CD44: variants seen among roughly 807,000 people sequenced by gnomAD.
The protein encoded by CD44 is CD44 molecule (IN blood group).
In CD44, 49 loss-of-function variants were observed where a neutral mutation model predicts 88.8. The observed-to-expected ratio is 0.55, with a 90% CI of 0.44 to 0.70. The LOEUF (loss-of-function observed/expected upper bound fraction) is 0.70, where lower values mean the gene tolerates loss of function less well. CD44 is among the 30% of genes least tolerant of loss of function. CD44 has a pLI of 0.00. For synonymous variants in CD44, 325 were observed against 312.3 expected (o/e 1.04, Z -0.43); for missense variants, 883 against 913.8 (o/e 0.97, Z 0.43).
At chr11:35,202,806 T>G (rs770868224) in intron 9 of CD44, among the ~76,000 whole-genome samples, 4 of 152,164 alleles carry the variant, frequency 2.6e-5, no homozygotes, top group Non-Finnish European at 5.9e-5. Flanking sequence ...ACATACGGCT[T>G]AGGGGTTAAG....
chr11:35,160,592 C>G (rs564434752), intron 1 of CD44, among the ~76,000 whole-genome samples: 6 of 152,134 alleles, frequency 3.9e-5, no homozygotes, highest in Non-Finnish European at 5.9e-5. Context: ...GATGGGTTGG[C>G]TGGGACTTAG....
chr11:35,217,883 T>C (rs1948966564), intron 15 of CD44, among the ~76,000 whole-genome samples: 1 of 152,222 alleles, frequency 6.6e-6, no homozygotes, highest in Non-Finnish European at 1.5e-5. Flanking sequence ...TTCATGAAGC[T>C]TTCATTTTGA....
At chr11:35,196,656 A>G (rs779292419) in intron 5 of CD44, 90 bp from the exon 6 acceptor site, 367 of 1,326,488 alleles carry the variant, frequency 2.8e-4, no homozygotes, top group Non-Finnish European at 3.6e-4. Flanking sequence ...GATTCTCTTG[A>G]GTAGTAAAAG....
chr11:35,229,086 T>C, intron 17 of CD44, 43 bp from the exon 18 acceptor site: 2 of 1,480,074 alleles, frequency 1.4e-6, no homozygotes, highest in Non-Finnish European at 1.9e-6. Flanking sequence ...GATGCCTGAG[T>C]CACTGCAATC....
intron 15 of CD44, among the ~76,000 whole-genome samples, chr11:35,217,811 T>C (rs1212744102): frequency 2.0e-5 from 3 of 152,170 alleles, no homozygotes; most frequent in African/African-American, 7.2e-5. Context: ...AAAAAAAAAG[T>C]TCATTTTGGT....
At chr11:35,174,763 T>C (rs1944276051) in intron 1 of CD44, among the ~76,000 whole-genome samples, 1 of 152,234 alleles carries the variant, frequency 6.6e-6, no homozygotes, top group Non-Finnish European at 1.5e-5. Context: ...GCCAATATAT[T>C]AAAAGTGTGT....
In CD44 at chr11:35,229,467, T is replaced by C. The variant is rs1390163934; in HGVS notation, c.*134T>C. 4.9e-6 allele frequency: 3 copies of C among 613,032 alleles called. No individual in the cohort carries two copies. In the East Asian group the frequency reaches 8.5e-5, roughly 17 times the overall value. The allele number at this position is 613,032 out of a possible 1,614,324, so 38.0% of individuals were successfully genotyped here. A position where few individuals can be genotyped will look rare whatever the true frequency, so the allele number is the denominator to read the frequency against. On this transcript the variant is annotated 3_prime_UTR_variant, in exon 18 of 18. Coordinates refer to ENST00000428726, the MANE Select transcript of CD44 (RefSeq NM_000610.4). ...TTTTTTAGCATAAAATTTTCTACTC[T>C]TTTTGTTTTTTGTGTTTTGTTCTTT...
At position 35,176,645 on chromosome 11, in the gene CD44, G is replaced by A. The variant is rs1164181879; in HGVS notation, c.138G>A (p.Arg46=). 1 of 1,614,210 alleles carries A rather than the reference G, an allele frequency of 6.2e-7. No individual in the cohort carries two copies. Among genetic ancestry groups the A allele is most frequent in the South Asian group, 1.1e-5 (1 of 91,090 alleles). ...AAAATGGTCGCTACAGCATCTCTCG[G>A]ACGGAGGCCGCTGACCTCTGCAAGG... is the stretch of plus-strand genomic sequence containing the variant. ...VEKNGRYSIS[R]TEAADLCKAF... Residue 46 remains arginine, a synonymous_variant, in exon 2 of 18, where the codon CGG becomes CGA. Coordinates refer to ENST00000428726, the MANE Select transcript of CD44 (RefSeq NM_000610.4).
rs1346026943 is a variant in CD44 at position 35,210,313 on chromosome 11, T to A, written c.1606+259T>A. On this transcript the variant is annotated intron_variant, in intron 13 of 17. Coordinates refer to ENST00000428726, the MANE Select transcript of CD44 (RefSeq NM_000610.4). ...AGTTAGTGATTTGTTTTAACAATAATGGATTGCTTATATATGATTTATTTT... is the reference window on the plus strand; with the variant it reads ...AGTTAGTGATTTGTTTTAACAATAAAGGATTGCTTATATATGATTTATTTT... 6 of 263,498 alleles carry A rather than the reference T, an allele frequency of 2.3e-5. No individual in the cohort carries two copies. In the East Asian group the frequency reaches 4.2e-4, roughly 18 times the overall value. 16.3% of individuals were successfully genotyped at this position (263,498 alleles called of 1,614,324 possible).
chr11:35,158,268 G>T (rs764581185), intron 1 of CD44, among the ~76,000 whole-genome samples: 48 of 152,268 alleles, frequency 3.2e-4, no homozygotes, highest in Non-Finnish European at 6.2e-4. Flanking sequence ...AATTGAGAAG[G>T]TTTACTCCAG....
chr11:35,180,405 C>T lies in CD44; in HGVS notation c.365C>T (p.Ser122Leu). ...SQYDTYCFNA[S>L]APPEEDCTSV... Reference sequence around the variant, plus strand: ...TATGACACATATTGCTTCAATGCTTCAGGTTGGTTCTCAGGGGGGTGTCTG... The same window carrying T: ...TATGACACATATTGCTTCAATGCTTTAGGTTGGTTCTCAGGGGGGTGTCTG... The change falls in exon 3 of 18, where the codon TCA (serine) becomes TTA (leucine). Residue 122 changes from serine (S) to leucine (L), a missense_variant and splice_region_variant. Ser to Leu is a moderately radical substitution (Grantham distance 145). Coordinates refer to ENST00000428726, the MANE Select transcript of CD44 (RefSeq NM_000610.4). 1 of 1,614,068 alleles carries T rather than the reference C, an allele frequency of 6.2e-7. No individual in the cohort carries two copies.
At chr11:35,222,576 A>G (rs56157648) in intron 17 of CD44, 8 of 864,934 alleles carry the variant, frequency 9.2e-6, no homozygotes, top group Non-Finnish European at 9.7e-6. Context: ...ATAGGTTTAC[A>G]TGTTATTTAC....
intron 11 of CD44, among the ~76,000 whole-genome samples, chr11:35,206,670 G>GC (rs1554971933): frequency 2.2e-4 from 31 of 142,548 alleles, no homozygotes; most frequent in African/African-American, 7.3e-4. Flanking sequence ...GGGGGTTGGT[G>GC]GGGGGGGCAG....
chr11:35,143,591 C>T (rs932703), intron 1 of CD44, among the ~76,000 whole-genome samples: 82,353 of 151,772 alleles, frequency 0.54, 24,022 homozygotes, highest in African/African-American at 0.77. Flanking sequence ...CAATTCATTA[C>T]GTGTCTGGAG....
At position 35,201,185 on chromosome 11, in the gene CD44, AAGG is replaced by A. The variant is rs766203326; in HGVS notation, c.1028_1030del (p.Arg343del). 2.4e-5 allele frequency: 39 copies of A among 1,605,424 alleles called. 2 individuals are homozygous for A. In the South Asian group the frequency reaches 4.2e-4, roughly 17 times the overall value. ...CGGAAGTGCTACTTCAGACAACCACAAGGATGACTGGTAATGGGTTCTGCATAT... is the reference window on the plus strand; with the variant it reads ...CGGAAGTGCTACTTCAGACAACCACAATGACTGGTAATGGGTTCTGCATAT... On this transcript the variant is annotated inframe_deletion, in exon 8 of 18. Transcript: ENST00000428726.
intron 10 of CD44, 186 bp from the exon 11 acceptor site, chr11:35,205,926 T>C: frequency 1.6e-6 from 2 of 1,242,576 alleles, no homozygotes; most frequent in Non-Finnish European, 2.0e-6. Context: ...AAGAAGAAAA[T>C]GAGCATGAGT....
chr11:35,179,529 G>A (rs939217714), intron 2 of CD44, among the ~76,000 whole-genome samples: 5 of 152,140 alleles, frequency 3.3e-5, no homozygotes, highest in African/African-American at 4.8e-5. Context: ...TGGGGAGAGA[G>A]GGGCTATGCA....
At chr11:35,198,333 T>A in intron 7 of CD44, 87 bp downstream of exon 7, 6 of 1,284,466 alleles carry the variant, frequency 4.7e-6, no homozygotes, top group Admixed American at 4.0e-5. Context: ...TCTTGAGAAG[T>A]AGTTAATGTG....
chr11:35,201,566 A>C (rs1484791825), intron 8 of CD44, 105 bp from the exon 9 acceptor site: 5 of 1,412,736 alleles, frequency 3.5e-6, no homozygotes, highest in Non-Finnish European at 4.9e-6. Context: ...CAGAGGTAAC[A>C]CTTTGGCATA....
Sources: allele counts gnomAD v4.1 joint callset (sites outside exome capture counted in the v4.1 genomes callset), GRCh38; gene constraint gnomAD v4.1.1; transcripts MANE v1.5; gene names NCBI Gene and HGNC (gene_info 2026-07-23, HGNC 2026-07-21).